Variants in VNN1 observed in about 807,000 individuals in gnomAD.
VNN1 encodes the protein vanin 1.
A neutral mutation model predicts 41.9 loss-of-function variants in VNN1; 29 were observed. The observed-to-expected ratio is 0.69, with a 90% CI of 0.52 to 0.94. The LOEUF is 0.94. Ranked by LOEUF, VNN1 falls within the 40% of genes least tolerant of loss-of-function variation. VNN1 has a pLI of 0.00. For missense variants in VNN1, 637 were observed against 621.1 expected (o/e 1.03, Z -0.27); for synonymous variants, 233 against 224.4 (o/e 1.04, Z -0.34).
intron 5 of VNN1, among the ~76,000 whole-genome samples, chr6:132,691,717 C>T (rs531447488): frequency 5.3e-4 from 81 of 152,248 alleles, no homozygotes; most frequent in African/African-American, 1.9e-3. Context: ...AGCAAATAGG[C>T]AGGGCACGGT....
chr6:132,713,747 C>T, intron 1 of VNN1, 79 bp downstream of exon 1: 1 of 1,473,248 alleles, frequency 6.8e-7, no homozygotes, highest in Non-Finnish European at 9.3e-7. Flanking sequence ...TGTAACTGAC[C>T]CTGACAGTGG....
At chr6:132,693,518 T>G (rs1027268213) in intron 3 of VNN1, among the ~76,000 whole-genome samples, 4 of 152,202 alleles carry the variant, frequency 2.6e-5, no homozygotes, top group African/African-American at 9.6e-5. Flanking sequence ...ATTACAAATA[T>G]GTACATGGGT....
chr6:132,693,285 T>C lies in VNN1; in HGVS notation c.565A>G (p.Asn189Asp), dbSNP rs1778319514. 1.2e-6 allele frequency: 2 copies of C among 1,609,532 alleles called. No homozygotes were observed. The highest frequency in any genetic ancestry group is 1.7e-6 in the Non-Finnish European group (2 of 1,178,436). The change falls in exon 4 of 7, where the codon AAT becomes GAT. Residue 189 changes from asparagine to aspartate, a missense_variant. By Grantham distance (23) the Asn-to-Asp change is conservative (BLOSUM62 1). Transcript: ENST00000367928. Reference protein sequence around the residue: ...QNLFMGENQFNVPKEPEIVTF... With the variant: ...QNLFMGENQFDVPKEPEIVTF... ...ACAATCTCAGGCTCCTTGGGTACAT[T>C]GAATTGATTTTCACCCATGAAAAGG...
At chr6:132,684,563 T>C in intron 5 of VNN1, 58 bp from the exon 6 acceptor site, 1 of 1,587,032 alleles carries the variant, frequency 6.3e-7, no homozygotes, top group South Asian at 1.1e-5. Flanking sequence ...TATGTGAATT[T>C]GCTTGATTTA....
At position 132,684,401 on chromosome 6, in the gene VNN1, G is replaced by A. The variant is rs769909618; in HGVS notation, c.1293C>T (p.Phe431=). ...RFEMFSLSGT[F]GTQYVFPEVL... The stretch of plus-strand genomic sequence containing the variant: ...CCTCAGGAAAGACATACTGGGTTCC[G>A]AAAGTGCCACTGAGGGAGAACATTT... Residue 431 remains phenylalanine, a synonymous_variant, in exon 6 of 7, where the codon TTC becomes TTT. Coordinates refer to ENST00000367928, the MANE Select transcript of VNN1 (RefSeq NM_004666.3). 69 of 1,613,848 alleles carry A rather than the reference G, an allele frequency of 4.3e-5. No individual in the cohort carries two copies. The highest frequency in any genetic ancestry group is 3.5e-4 in the South Asian group (32 of 91,082).
intron 4 of VNN1, among the ~76,000 whole-genome samples, 153 bp from the exon 5 acceptor site, chr6:132,692,737 A>C (rs1466637951): frequency 6.6e-6 from 1 of 152,194 alleles, no homozygotes; most frequent in Non-Finnish European, 1.5e-5. Flanking sequence ...AAAGACAGAG[A>C]AGTGAGAGGA....
In VNN1 at chr6:132,684,334, C is replaced by G; in HGVS notation, c.1359+1G>C. On this transcript the variant is annotated splice_donor_variant, in intron 6 of 6. Transcript: ENST00000367928. LOFTEE classifies it high-confidence loss of function. ...AATTGGCAATATTCGAAGATTCTTA[C>G]CTGAAATTCTCCAGGTGCAAGCTGA... The G allele has an allele frequency of 6.2e-7, 1 of 1,608,066 alleles. No individual in the cohort carries two copies. The highest frequency in any genetic ancestry group is 8.5e-7 in the Non-Finnish European group (1 of 1,176,584).
intron 2 of VNN1, chr6:132,698,808 G>T: frequency 4.5e-6 from 1 of 222,160 alleles, no homozygotes; most frequent in Non-Finnish European, 1.0e-5. Context: ...AAACCTGACT[G>T]TCAGAAACTG....
At chr6:132,696,565 C>T (rs1459654113) in intron 2 of VNN1, among the ~76,000 whole-genome samples, 2 of 152,028 alleles carry the variant, frequency 1.3e-5, no homozygotes, top group Non-Finnish European at 2.9e-5. Flanking sequence ...AGCAGCAAGA[C>T]AGAAGTGACT....
intron 6 of VNN1, 146 bp downstream of exon 6, chr6:132,684,189 G>T: frequency 1.3e-6 from 1 of 752,096 alleles, no homozygotes; most frequent in Non-Finnish European, 2.1e-6. Flanking sequence ...AATGCAGCCT[G>T]CTCAATGTCC....
chr6:132,700,220 A>C (rs1778431100), intron 2 of VNN1, among the ~76,000 whole-genome samples: 1 of 152,234 alleles, frequency 6.6e-6, no homozygotes. Context: ...CTGTAGTTAC[A>C]TATCATTGCT....
At chr6:132,696,717 C>A (rs1395585115) in intron 2 of VNN1, among the ~76,000 whole-genome samples, 1 of 150,268 alleles carries the variant, frequency 6.7e-6, no homozygotes, top group Non-Finnish European at 1.5e-5. Flanking sequence ...TCCATCAGAA[C>A]TGCCCTTCAA....
At chr6:132,687,904 G>A (rs573169456) in intron 5 of VNN1, among the ~76,000 whole-genome samples, 1 of 152,154 alleles carries the variant, frequency 6.6e-6, no homozygotes, top group African/African-American at 2.4e-5. Context: ...AAAACTCTGA[G>A]TGATGTTTGC....
Position 132,683,301 on chromosome 6 carries a change from AC to A in VNN1, c.1380del (p.Leu460PhefsTer4). ...GEFQVSTDGR[L>X]FSLKPTSGPV... ...GGTCCGGATGTTGGCTTCAGACTAA[AC>A]AAGCGTCCGTCAGTTGACACCTGAT... On this transcript the variant is annotated frameshift_variant, in exon 7 of 7. Coordinates refer to ENST00000367928, the MANE Select transcript of VNN1 (RefSeq NM_004666.3). LOFTEE classifies it low-confidence loss of function (END_TRUNC). 2 of 1,613,728 alleles carry A rather than the reference AC, an allele frequency of 1.2e-6. No homozygotes were observed. Among genetic ancestry groups the A allele is most frequent in the South Asian group, 2.2e-5 (2 of 91,012 alleles).
At chr6:132,708,420 A>G (rs1396899140) in intron 2 of VNN1, among the ~76,000 whole-genome samples, 1 of 152,202 alleles carries the variant, frequency 6.6e-6, no homozygotes, top group East Asian at 1.9e-4. Flanking sequence ...GATATGACAT[A>G]TAAATGCTAA....
chr6:132,695,920 A>G (rs1778363829), intron 2 of VNN1, among the ~76,000 whole-genome samples: 1 of 152,198 alleles, frequency 6.6e-6, no homozygotes, highest in Non-Finnish European at 1.5e-5. Context: ...TCAAATGTCT[A>G]GTTATCAACC....
chr6:132,684,538 G>C, intron 5 of VNN1, 33 bp from the exon 6 acceptor site: 1 of 1,609,876 alleles, frequency 6.2e-7, no homozygotes, highest in East Asian at 2.2e-5. Flanking sequence ...TAAGTCATAA[G>C]AAAGTCATGT....
In VNN1 at chr6:132,694,248, A is replaced by AATG; in HGVS notation, c.342-69_342-67dup. ...AATCTTAACTCTCAACAAAATCCTG[A>AATG]ATGATAGTTGCCTAAACCTATTATT... On this transcript the variant is annotated intron_variant, in intron 2 of 6. Transcript: ENST00000367928. The AATG allele has an allele frequency of 5.5e-6, 8 of 1,442,898 alleles. 1 individual carries two copies. In the Admixed American group the frequency reaches 2.0e-4, roughly 37 times the overall value. 89.4% of individuals were successfully genotyped at this position (1,442,898 alleles called of 1,614,324 possible).
chr6:132,705,301 G>A (rs376011727), intron 2 of VNN1, among the ~76,000 whole-genome samples: 1 of 151,986 alleles, frequency 6.6e-6, no homozygotes, highest in African/African-American at 2.4e-5. Flanking sequence ...CAAATGCAAC[G>A]ACACATTAAA....
Sources: gnomAD v4.1 joint callset for allele counts (sites outside exome capture counted in the v4.1 genomes callset) on GRCh38, gnomAD v4.1.1 for gene constraint, MANE v1.5 for transcripts, NCBI Gene and HGNC (gene_info 2026-07-23, HGNC 2026-07-21) for gene names.